Variants in PLEKHA6 observed in about 807,000 individuals in gnomAD.
PLEKHA6 encodes the protein pleckstrin homology domain containing A6, also known as pleckstrin homology domain-containing family A member 6.
Under a neutral mutation model 116.7 loss-of-function variants are expected in PLEKHA6, and 60 were observed. That is an observed-to-expected ratio of 0.51 (90% CI 0.42 to 0.64). PLEKHA6 has a LOEUF of 0.64. PLEKHA6 is among the 30% of genes least tolerant of loss of function. PLEKHA6 has a pLI of 0.00. For missense variants in PLEKHA6, 1,338 were observed against 1,422.7 expected (o/e 0.94, Z 0.96); for synonymous variants, 489 against 556.1 (o/e 0.88, Z 1.70).
At chr1:204,240,415 A>T (rs1235347747) in intron 17 of PLEKHA6, among the ~76,000 whole-genome samples, 1 of 152,282 alleles carries the variant, frequency 6.6e-6, no homozygotes, top group Non-Finnish European at 1.5e-5. Context: ...GACCAGCTGC[A>T]GAAGCAGGGA....
chr1:204,374,195 C>T (rs142079464), intron 1 of PLEKHA6, among the ~76,000 whole-genome samples: 152 of 152,312 alleles, frequency 1.0e-3, no homozygotes, highest in African/African-American at 3.5e-3. Flanking sequence ...AACGCAGTCA[C>T]AGGCTGTCTC....
chr1:204,319,782 AGAAAGGGAG>A (rs1364031147), intron 1 of PLEKHA6, among the ~76,000 whole-genome samples: 1 of 152,126 alleles, frequency 6.6e-6, no homozygotes, highest in African/African-American at 2.4e-5. Context: ...TATTTGGGGA[AGAAAGGGAG>A]GAAAGGGAGG....
chr1:204,241,312 C>A, intron 17 of PLEKHA6, 63 bp downstream of exon 17: 1 of 993,018 alleles, frequency 1.0e-6, no homozygotes, highest in South Asian at 1.4e-5. Context: ...TGAGTAGGTA[C>A]ACACACAGGC....
chr1:204,374,877 C>A (rs547804619), intron 1 of PLEKHA6, among the ~76,000 whole-genome samples: 2 of 152,288 alleles, frequency 1.3e-5, no homozygotes, highest in Admixed American at 1.3e-4. Flanking sequence ...TTTCTGTTCC[C>A]AGCTCTCTCC....
chr1:204,345,611 G>A (rs532752118), intron 1 of PLEKHA6, among the ~76,000 whole-genome samples: 73 of 152,236 alleles, frequency 4.8e-4, no homozygotes, highest in African/African-American at 1.6e-3. Flanking sequence ...CACGTGCACT[G>A]TGACCTGGGT....
chr1:204,252,075 G>T (rs953557422), intron 9 of PLEKHA6, among the ~76,000 whole-genome samples: 2 of 151,486 alleles, frequency 1.3e-5, no homozygotes, highest in South Asian at 2.1e-4. Context: ...AGATACAGAG[G>T]CCTGCCCCCT....
intron 9 of PLEKHA6, among the ~76,000 whole-genome samples, chr1:204,252,643 C>T (rs538640285): frequency 1.3e-5 from 2 of 152,222 alleles, no homozygotes; most frequent in Admixed American, 1.3e-4. Flanking sequence ...GTGATTTTTC[C>T]GTCATCTCTC....
intron 3 of PLEKHA6, among the ~76,000 whole-genome samples, chr1:204,367,078 G>A (rs936238967): frequency 5.3e-5 from 8 of 152,216 alleles, no homozygotes; most frequent in Middle Eastern, 3.2e-3. Flanking sequence ...TCACCCTTGC[G>A]AATGAAACCA....
intron 1 of PLEKHA6, chr1:204,282,728 C>T: frequency 3.0e-6 from 3 of 985,370 alleles, no homozygotes; most frequent in Non-Finnish European, 3.6e-6. Flanking sequence ...CTTTCTCCTT[C>T]ACCCTGACCC....
intron 1 of PLEKHA6, among the ~76,000 whole-genome samples, chr1:204,374,406 C>T (rs116413516): frequency 0.023 from 3,573 of 152,246 alleles, 125 homozygotes; most frequent in African/African-American, 0.078. Flanking sequence ...AGCCCCTCTC[C>T]GGCACAGAGG....
intron 13 of PLEKHA6, among the ~76,000 whole-genome samples, chr1:204,246,192 G>A (rs1287501181): frequency 6.6e-6 from 1 of 152,144 alleles, no homozygotes; most frequent in Non-Finnish European, 1.5e-5. Context: ...TAAAAGGTAA[G>A]ACCTCCCATT....
intron 1 of PLEKHA6, among the ~76,000 whole-genome samples, chr1:204,358,282 C>T (rs1199734197): frequency 3.3e-5 from 5 of 152,314 alleles, no homozygotes; most frequent in South Asian, 4.1e-4. Context: ...AGGAGGGGTG[C>T]CTTCAGCCCC....
Position 204,276,237 on chromosome 1 carries a change from G to A in PLEKHA6, c.-94-1428C>T, listed in dbSNP as rs116833917. ...CAGTCTATGTGGAAATCTGGGCTTCGCAGCCCAGGCTTGCCAGCCAGGACC... is the reference window on the plus strand; with the variant it reads ...CAGTCTATGTGGAAATCTGGGCTTCACAGCCCAGGCTTGCCAGCCAGGACC... On this transcript the variant is annotated intron_variant, in intron 1 of 22. Coordinates refer to ENST00000272203, the MANE Select transcript of PLEKHA6 (RefSeq NM_014935.5). Among the ~76,000 whole-genome samples, 837 of 152,188 alleles carry A rather than the reference G, an allele frequency of 5.5e-3. 2 individuals are homozygous for A. Among genetic ancestry groups the A allele is most frequent in the Middle Eastern group, 0.014 (4 of 294 alleles).
intron 1 of PLEKHA6, chr1:204,313,476 A>G (rs1671740047): frequency 2.7e-6 from 2 of 751,758 alleles, no homozygotes; most frequent in South Asian, 6.0e-5. Context: ...TGACCTCCCC[A>G]TTTCTCAAGA....
At chr1:204,310,986 C>T (rs983128704) in intron 1 of PLEKHA6, among the ~76,000 whole-genome samples, 1 of 152,188 alleles carries the variant, frequency 6.6e-6, no homozygotes, top group Non-Finnish European at 1.5e-5. Context: ...GTTAGGGAAA[C>T]CCCTTATCCT....
intron 17 of PLEKHA6, among the ~76,000 whole-genome samples, chr1:204,235,426 G>A (rs1445370435): frequency 6.6e-6 from 1 of 152,182 alleles, no homozygotes; most frequent in Non-Finnish European, 1.5e-5. Context: ...AGAAAATGAT[G>A]AACTCAGGGA....
intron 10 of PLEKHA6, among the ~76,000 whole-genome samples, chr1:204,249,891 T>C (rs1369971622): frequency 2.6e-5 from 4 of 152,214 alleles, no homozygotes; most frequent in Non-Finnish European, 5.9e-5. Flanking sequence ...CCTTTATTCA[T>C]GCCATTCCTC....
intron 1 of PLEKHA6, among the ~76,000 whole-genome samples, chr1:204,283,750 G>A (rs543582159): frequency 3.3e-5 from 5 of 152,238 alleles, no homozygotes; most frequent in Non-Finnish European, 7.3e-5. Flanking sequence ...CTCTTTCACT[G>A]GTAATATCTG....
chr1:204,329,362 T>C (rs1672365893), intron 1 of PLEKHA6, among the ~76,000 whole-genome samples: 1 of 152,204 alleles, frequency 6.6e-6, no homozygotes. Context: ...TGGGCCATCC[T>C]ATTGCCATCC....
Sources: allele counts gnomAD v4.1 joint callset (sites outside exome capture counted in the v4.1 genomes callset), GRCh38; gene constraint gnomAD v4.1.1; transcripts MANE v1.5; gene names NCBI Gene and HGNC (gene_info 2026-07-23, HGNC 2026-07-21).